The following FILIP1L variants were observed in gnomAD, a reference collection of about 807,000 sequenced individuals.
The protein encoded by FILIP1L is filamin A interacting protein 1 like.
A neutral mutation model predicts 96.6 loss-of-function variants in FILIP1L; 55 were observed. That is an observed-to-expected ratio of 0.57 (90% CI 0.46 to 0.71). The LOEUF (loss-of-function observed/expected upper bound fraction) is 0.71, where lower values mean the gene tolerates loss of function less well. Ranked by LOEUF, FILIP1L falls within the 30% of genes least tolerant of loss-of-function variation. The pLI is 0.00. For missense variants in FILIP1L, 1,304 were observed against 1,321.2 expected, an observed-to-expected ratio of 0.99 and a Z score of 0.20; for synonymous variants, 467 against 473.9, an observed-to-expected ratio of 0.99 and a Z score of 0.19.
intron 5 of FILIP1L, among the ~76,000 whole-genome samples, chr3:99,843,408 A>C (rs1576502876): frequency 6.6e-6 from 1 of 152,260 alleles, no homozygotes; most frequent in South Asian, 2.1e-4. Context: ...TTGGAGAATA[A>C]ACCTTCTGTT....
intron 4 of FILIP1L, among the ~76,000 whole-genome samples, chr3:99,856,283 G>A (rs556459827): frequency 1.1e-4 from 17 of 152,350 alleles, no homozygotes; most frequent in African/African-American, 4.1e-4. Context: ...AAAAGGAGAA[G>A]TCATAGAACA....
At chr3:100,009,843 C>A (rs554927348) in intron 1 of FILIP1L, among the ~76,000 whole-genome samples, 2 of 152,270 alleles carry the variant, frequency 1.3e-5, no homozygotes, top group East Asian at 3.9e-4. Flanking sequence ...GTATACGTGT[C>A]CACGTTTTCA....
Position 99,850,454 on chromosome 3 carries a change from A to G in FILIP1L, c.1222T>C (p.Leu408=). The G allele has an allele frequency of 6.2e-7, 1 of 1,613,968 alleles. No individual in the cohort carries two copies. The highest frequency in any genetic ancestry group is 8.5e-7 in the Non-Finnish European group (1 of 1,180,004). ...TCTAGTTTAAAGTCTTTACTCTGTA[A>G]CGTCTCCCTTTCAAGCCTCTTATTG... ...DLNKRLERET[L]QSKDFKLEVE... The change falls in exon 5 of 6, where the codon TTA becomes CTA. Residue 408 remains leucine (L), a synonymous_variant. Coordinates refer to ENST00000477258, the MANE Select transcript of FILIP1L (RefSeq NM_001387850.1).
intron 1 of FILIP1L, among the ~76,000 whole-genome samples, chr3:100,086,724 A>G (rs2066015738): frequency 6.6e-6 from 1 of 152,186 alleles, no homozygotes; most frequent in South Asian, 2.1e-4. Flanking sequence ...TAAAATTTAC[A>G]TATGGTAAAA....
At chr3:99,965,852 G>A (rs930350768) in intron 1 of FILIP1L, among the ~76,000 whole-genome samples, 3 of 152,068 alleles carry the variant, frequency 2.0e-5, no homozygotes, top group Non-Finnish European at 4.4e-5. Flanking sequence ...TGCCCAGCCC[G>A]CAGCCACTGG....
At chr3:99,941,843 A>G (rs1183145905) in intron 1 of FILIP1L, among the ~76,000 whole-genome samples, 2 of 152,202 alleles carry the variant, frequency 1.3e-5, no homozygotes, top group African/African-American at 4.8e-5. Context: ...TTTTCAGAAG[A>G]GAAAAGGGGA....
chr3:100,070,383 A>G (rs1043993678), intron 1 of FILIP1L, among the ~76,000 whole-genome samples: 2 of 152,220 alleles, frequency 1.3e-5, no homozygotes, highest in African/African-American at 4.8e-5. Context: ...TGAAATTTTA[A>G]AGAAAATTTT....
intron 4 of FILIP1L, among the ~76,000 whole-genome samples, chr3:99,909,092 AAATG>A (rs2107636719): frequency 6.6e-6 from 1 of 152,348 alleles, no homozygotes; most frequent in South Asian, 2.1e-4. Flanking sequence ...TGTAAGAACC[AAATG>A]TTCTAGTGCA....
At chr3:99,917,706 G>A (rs1223356820) in intron 4 of FILIP1L, among the ~76,000 whole-genome samples, 1 of 152,164 alleles carries the variant, frequency 6.6e-6, no homozygotes, top group East Asian at 1.9e-4. Flanking sequence ...GATGTGCAAA[G>A]GTGATATTAG....
chr3:99,996,325 T>C (rs1709679317), intron 1 of FILIP1L, among the ~76,000 whole-genome samples: 1 of 152,140 alleles, frequency 6.6e-6, no homozygotes, highest in South Asian at 2.1e-4. Context: ...CTCATTTCCA[T>C]CTGAGACCAC....
rs753085906 is a variant in FILIP1L at position 99,849,649 on chromosome 3, T to C, written c.2027A>G (p.Glu676Gly). The C allele has an allele frequency of 1.2e-6, 2 of 1,613,312 alleles. No individual in the cohort carries two copies. The highest frequency in any genetic ancestry group is 2.2e-5 in the South Asian group (2 of 91,016). Reference protein sequence around the residue: ...ERDKAQFLSKELEHVKMELAK... With the variant: ...ERDKAQFLSKGLEHVKMELAK... ...AAGTTCCATTTTAACATGTTCTAGC[T>C]CTTTAGATAAAAATTGAGCTTTGTC... Residue 676 changes from glutamate (E) to glycine (G), a missense_variant, in exon 5 of 6, where the codon GAG becomes GGG. Transcript: ENST00000477258.
intron 1 of FILIP1L, among the ~76,000 whole-genome samples, chr3:100,074,261 G>A (rs570186336): frequency 1.1e-3 from 162 of 152,290 alleles, no homozygotes; most frequent in African/African-American, 3.6e-3. Context: ...AGAGCTCTTC[G>A]CTGCTTTCCC....
intron 1 of FILIP1L, among the ~76,000 whole-genome samples, chr3:99,944,793 T>C (rs1048757161): frequency 5.9e-5 from 9 of 152,158 alleles, no homozygotes; most frequent in Non-Finnish European, 1.0e-4. Context: ...CAGCACTGAC[T>C]ATATCAATAA....
At chr3:100,051,581 C>T (rs886485931) in intron 1 of FILIP1L, among the ~76,000 whole-genome samples, 1 of 143,862 alleles carries the variant, frequency 7.0e-6, no homozygotes, top group Non-Finnish European at 1.5e-5. Flanking sequence ...TGTTCATTTC[C>T]CACCTATGAG....
intron 4 of FILIP1L, among the ~76,000 whole-genome samples, chr3:99,919,421 G>A (rs1007007244): frequency 6.7e-6 from 1 of 148,348 alleles, no homozygotes; most frequent in Non-Finnish European, 1.5e-5. Flanking sequence ...CCAGTATCTA[G>A]TATGGGACCT....
At chr3:99,957,390 T>C (rs1239691810) in intron 1 of FILIP1L, among the ~76,000 whole-genome samples, 1 of 152,224 alleles carries the variant, frequency 6.6e-6, no homozygotes, top group African/African-American at 2.4e-5. Flanking sequence ...GTTGTTTTTT[T>C]CACAAATAGT....
chr3:100,052,694 G>A (rs80173391), intron 1 of FILIP1L, among the ~76,000 whole-genome samples: 1,841 of 152,272 alleles, frequency 0.012, 24 homozygotes, highest in African/African-American at 0.028. Context: ...CACATTTTAA[G>A]ATAAGTATAT....
At chr3:99,873,453 AAC>A (rs1559670510) in intron 4 of FILIP1L, among the ~76,000 whole-genome samples, 1 of 152,162 alleles carries the variant, frequency 6.6e-6, no homozygotes, top group African/African-American at 2.4e-5. Flanking sequence ...GTCTTTTATA[AAC>A]AGTTCTCTTC....
At chr3:99,905,759 C>A (rs1162206527) in intron 4 of FILIP1L, among the ~76,000 whole-genome samples, 1 of 152,170 alleles carries the variant, frequency 6.6e-6, no homozygotes, top group African/African-American at 2.4e-5. Flanking sequence ...TAGATTAATT[C>A]TGTCTGTTTT....
Sources: allele counts gnomAD v4.1 joint callset (sites outside exome capture counted in the v4.1 genomes callset), GRCh38; gene constraint gnomAD v4.1.1; transcripts MANE v1.5; gene names NCBI Gene and HGNC (gene_info 2026-07-23, HGNC 2026-07-21).